GSDME: variants seen among roughly 807,000 people sequenced by gnomAD.
GSDME encodes gasdermin-E.
In GSDME, 44 loss-of-function variants were observed where a neutral mutation model predicts 47.5. The observed-to-expected ratio is 0.93, with a 90% CI of 0.73 to 1.19. The LOEUF is 1.19. Among genes scored for constraint, GSDME ranks in the 50% most tolerant of loss-of-function variants. The pLI is 0.00. For synonymous variants in GSDME, 258 were observed against 252.8 expected (o/e 1.02, Z -0.20); for missense variants, 663 against 604.2 (o/e 1.10, Z -1.02).
rs1286212678 is a variant in GSDME, at chr7:24,717,502, C to A, written c.577-128G>T. Reference sequence around the variant, plus strand: ...GCAATGTCCACAGAACCGAGTGGAACAGAGGAGCCAGCCAGCATGGGGGAT... The same window carrying A: ...GCAATGTCCACAGAACCGAGTGGAAAAGAGGAGCCAGCCAGCATGGGGGAT... On this transcript the variant is annotated intron_variant, in intron 4 of 9. Transcript: ENST00000645220. 11 of 1,423,196 alleles carry A rather than the reference C, an allele frequency of 7.7e-6. No homozygotes were observed. The Admixed American group carries it at 7.8e-5, about 10-fold the overall frequency. The allele number at this position is 1,423,196 out of a possible 1,614,324, so 88.2% of individuals were successfully genotyped here. A position where few individuals can be genotyped will look rare whatever the true frequency, so the allele number is the denominator to read the frequency against.
rs552115130 is a variant in GSDME at position 24,729,639 on chromosome 7, G to A, written c.405-10421C>T. On this transcript the variant is annotated intron_variant, in intron 3 of 9. Transcript: ENST00000645220. ...CTTCATGCCTCTGTGCAGACAGGAG[G>A]AGTGAACATCAGACAAGGACTGGAG... 2.6e-5 allele frequency among the ~76,000 whole-genome samples: 4 copies of A among 152,366 alleles called. No homozygotes were observed. In the East Asian group the frequency reaches 7.7e-4, roughly 29 times the overall value.
chr7:24,792,453 G>A, the GSDME span, among the ~76,000 whole-genome samples: 2 of 152,138 alleles, frequency 1.3e-5, no homozygotes, highest in African/African-American at 4.8e-5. Context: ...GAGGGAGAGA[G>A]GTACTTTTCT....
At chr7:24,792,997 A>G in the GSDME span, among the ~76,000 whole-genome samples, 1 of 152,020 alleles carries the variant, frequency 6.6e-6, no homozygotes, top group Non-Finnish European at 1.5e-5. Flanking sequence ...ATTTTATAGT[A>G]CCTTGGTGCC....
chr7:24,779,412 A>G, the GSDME span, among the ~76,000 whole-genome samples: 1 of 151,924 alleles, frequency 6.6e-6, no homozygotes, highest in African/African-American at 2.4e-5. The surrounding 1 kb of genome is among the most constrained non-coding windows in gnomAD (Gnocchi z 6.0). Context: ...TCATAAATGT[A>G]TTAGAGTCTC....
intron 5 of GSDME, chr7:24,715,483 A>G (rs920082060): frequency 6.4e-6 from 3 of 470,980 alleles, no homozygotes; most frequent in Non-Finnish European, 1.3e-5. Context: ...TCTGTGTGTC[A>G]ATCATACCTC....
At chr7:24,787,378 A>G in the GSDME span, among the ~76,000 whole-genome samples, 1 of 151,090 alleles carries the variant, frequency 6.6e-6, no homozygotes, top group African/African-American at 2.4e-5. The surrounding 1 kb of genome is among the most constrained non-coding windows in gnomAD (Gnocchi z 5.0). Context: ...AGGTCCTAGA[A>G]TAATCATGAA....
chr7:24,744,598 ACCT>A lies in GSDME; in HGVS notation c.365_367del (p.Glu122del). 6.2e-7 allele frequency: 1 copy of A among 1,613,964 alleles called. No homozygotes were observed. Among genetic ancestry groups the A allele is most frequent in the Non-Finnish European group, 8.5e-7 (1 of 1,180,000 alleles). On this transcript the variant is annotated inframe_deletion, in exon 3 of 10. Transcript: ENST00000645220. The surrounding 1 kb of genome is among the most constrained non-coding windows in gnomAD (Gnocchi z 4.5). ...GTCTCTGATGAGCTGCTGCAAATCC[ACCT>A]CCTGCTTCCTCAGGGTTCCAAATGA... is the stretch of plus-strand genomic sequence containing the variant.
At position 24,724,988 on chromosome 7, in the gene GSDME, G is replaced by C. The variant is rs1261435892; in HGVS notation, c.405-5770C>G. ...CCTGTTCTTGCCATGTGACATGTTT[G>C]CTCCTCTTTCACCTTTTTCCATGAC... On this transcript the variant is annotated intron_variant, in intron 3 of 9. Coordinates refer to ENST00000645220, the MANE Select transcript of GSDME (RefSeq NM_001127453.2). This position sits in a 1 kb window ranked among gnomAD's most constrained non-coding sequence, Gnocchi z 4.8. Among the ~76,000 whole-genome samples the C allele has an allele frequency of 6.6e-6, 1 of 152,100 alleles. No individual in the cohort carries two copies. Among genetic ancestry groups the C allele is most frequent in the Non-Finnish European group, 1.5e-5 (1 of 68,030 alleles).
the GSDME span, among the ~76,000 whole-genome samples, chr7:24,765,342 G>A: frequency 6.6e-6 from 1 of 152,150 alleles, no homozygotes; most frequent in Non-Finnish European, 1.5e-5. Flanking sequence ...CCACAACTTC[G>A]CTATTTTTAG....
chr7:24,786,078 C>T, the GSDME span, among the ~76,000 whole-genome samples: 1 of 152,170 alleles, frequency 6.6e-6, no homozygotes, highest in African/African-American at 2.4e-5. This position sits in a 1 kb window ranked among gnomAD's most constrained non-coding sequence, Gnocchi z 5.5. Flanking sequence ...GACTGCAGAC[C>T]ATTTCTACTT....
At chr7:24,767,222 G>GCTGA in the GSDME span, among the ~76,000 whole-genome samples, 2 of 152,152 alleles carry the variant, frequency 1.3e-5, no homozygotes, top group Non-Finnish European at 2.9e-5. The surrounding 1 kb of genome is among the most constrained non-coding windows in gnomAD (Gnocchi z 5.3). Context: ...TACTCAGGAG[G>GCTGA]CTGAGGCAGA....
chr7:24,752,822 G>A (rs115792602), intron 1 of GSDME, among the ~76,000 whole-genome samples: 2,061 of 152,260 alleles, frequency 0.014, 51 homozygotes, highest in African/African-American at 0.047. Context: ...GTTCACTCAC[G>A]CACTTGCCTT....
chr7:24,722,088 T>A (rs1482600712), intron 3 of GSDME, among the ~76,000 whole-genome samples: 1 of 152,202 alleles, frequency 6.6e-6, no homozygotes, highest in Non-Finnish European at 1.5e-5. Context: ...ATCAAGAATA[T>A]AAACCCCACA....
intron 3 of GSDME, among the ~76,000 whole-genome samples, chr7:24,738,227 T>TA (rs374257591): frequency 3.9e-5 from 6 of 152,078 alleles, no homozygotes; most frequent in African/African-American, 1.4e-4. Context: ...TGGAAAAACT[T>TA]AAAGACTCCA....
At chr7:24,707,468 C>T (rs1789159588) in intron 7 of GSDME, 1 of 470,164 alleles carries the variant, frequency 2.1e-6, no homozygotes, top group Non-Finnish European at 4.4e-6. Flanking sequence ...TTTCTCTGTT[C>T]TAAATGGAAC....
chr7:24,718,162 G>A, intron 4 of GSDME, among the ~76,000 whole-genome samples: 1 of 152,184 alleles, frequency 6.6e-6, no homozygotes, highest in East Asian at 1.9e-4. Flanking sequence ...TCCCATCGGC[G>A]CCTCCCTCGC....
rs1451251986 is a variant in GSDME at position 24,732,314 on chromosome 7, T to C, written c.404+12248A>G. On this transcript the variant is annotated intron_variant, in intron 3 of 9. Transcript: ENST00000645220. This position sits in a 1 kb window ranked among gnomAD's most constrained non-coding sequence, Gnocchi z 4.8. ...AACTTTGTTTTTTCCAAGAAAGACA[T>C]GGCTCCTCAAATCTTTCTCCTTGAA... is the stretch of plus-strand genomic sequence containing the variant. 1.3e-5 allele frequency among the ~76,000 whole-genome samples: 2 copies of C among 152,232 alleles called. No individual in the cohort carries two copies. Among genetic ancestry groups the C allele is most frequent in the Non-Finnish European group, 2.9e-5 (2 of 68,046 alleles).
At chr7:24,729,952 C>T (rs1476787144) in intron 3 of GSDME, among the ~76,000 whole-genome samples, 1 of 152,172 alleles carries the variant, frequency 6.6e-6, no homozygotes, top group Non-Finnish European at 1.5e-5. Flanking sequence ...GAGAAACTGT[C>T]ATGAGACTGG....
chr7:24,718,361 A>G (rs1789647958), intron 4 of GSDME, among the ~76,000 whole-genome samples: 1 of 152,240 alleles, frequency 6.6e-6, no homozygotes, highest in Non-Finnish European at 1.5e-5. Context: ...CACCTAGTCC[A>G]TTGAAGTTTA....
Sources: gnomAD v4.1 joint callset for allele counts (sites outside exome capture counted in the v4.1 genomes callset) on GRCh38, gnomAD v4.1.1 for gene constraint, Gnocchi (gnomAD v3.1) non-coding constraint, MANE v1.5 for transcripts, NCBI Gene and HGNC (gene_info 2026-07-23, HGNC 2026-07-21) for gene names.